The following STPG1 variants were observed in gnomAD, a reference collection of about 807,000 sequenced individuals.
STPG1 encodes the protein sperm tail PG-rich repeat containing 1.
STPG1 carries 33 observed loss-of-function variants against 40.1 expected under a neutral mutation model. The ratio of observed to expected loss-of-function variants is 0.82; its 90% CI spans 0.62 to 1.10. The LOEUF (loss-of-function observed/expected upper bound fraction) is 1.10. Ranked by LOEUF, STPG1 falls within the 50% of genes least tolerant of loss-of-function variation. The pLI, the probability that STPG1 is intolerant of heterozygous loss-of-function variation, is 0.00. For synonymous variants in STPG1, 150 were observed against 155.0 expected (o/e 0.97, Z 0.24); for missense variants, 396 against 415.1 (o/e 0.95, Z 0.40).
chr1:24,368,384 T>C (rs1201404762), intron 7 of STPG1, among the ~76,000 whole-genome samples: 1 of 152,138 alleles, frequency 6.6e-6, no homozygotes, highest in Non-Finnish European at 1.5e-5. Context: ...CTGCCTGATC[T>C]CTCTGGAGGG....
chr1:24,371,732 T>C (rs760302385), intron 6 of STPG1, among the ~76,000 whole-genome samples: 8 of 152,192 alleles, frequency 5.3e-5, no homozygotes, highest in Non-Finnish European at 8.8e-5. Context: ...ATAGCAACAC[T>C]TGAATTACAA....
In STPG1 at chr1:24,401,466, C is replaced by A. The variant is rs1345235581; in HGVS notation, c.-68-10G>T. On this transcript the variant is annotated splice_polypyrimidine_tract_variant and intron_variant, in intron 1 of 8. Transcript: ENST00000337248. ...ATGTTCTCCTAAGCACCTGAAACAG[C>A]AAAACACAGCATTTGTAGAGATCAT... is the stretch of plus-strand genomic sequence containing the variant. The A allele has an allele frequency of 1.7e-6, 2 of 1,158,792 alleles. No individual in the cohort carries two copies. The highest frequency in any genetic ancestry group is 1.5e-5 in the African/African-American group (1 of 65,516). 71.8% of individuals were successfully genotyped at this position (1,158,792 alleles called of 1,614,324 possible).
intron 3 of STPG1, among the ~76,000 whole-genome samples, chr1:24,388,149 C>A (rs908641099): frequency 6.6e-6 from 1 of 152,082 alleles, no homozygotes; most frequent in African/African-American, 2.4e-5. Flanking sequence ...TCATTCCTGG[C>A]AAGGGCTTAC....
intron 1 of STPG1, 106 bp from the exon 2 acceptor site, chr1:24,401,562 C>A: frequency 4.1e-5 from 26 of 628,574 alleles, no homozygotes; most frequent in East Asian, 4.1e-4. Context: ...GGTGTGGGTG[C>A]CGGCTGAGAT....
chr1:24,374,261 T>G lies in STPG1; in HGVS notation c.463-451A>C, dbSNP rs1276458677. Among the ~76,000 whole-genome samples the G allele has an allele frequency of 9.7e-5, 13 of 134,540 alleles. 1 individual carries two copies. The highest frequency in any genetic ancestry group is 2.7e-4 in the South Asian group (1 of 3,746). The allele number at this position is 134,540 out of a possible 152,430, so 88.3% of individuals were successfully genotyped here. A position where few individuals can be genotyped will look rare whatever the true frequency, so the allele number is the denominator to read the frequency against. ...AGGAAAGTGTTTTTTTTTTTTGTTT[T>G]TTTTTTTTTTTTTCTGAGACAGAGT... On this transcript the variant is annotated intron_variant, in intron 5 of 8. Coordinates refer to ENST00000337248, the MANE Select transcript of STPG1 (RefSeq NM_001199013.2).
At chr1:24,394,709 G>A (rs938418740) in intron 2 of STPG1, among the ~76,000 whole-genome samples, 3 of 151,864 alleles carry the variant, frequency 2.0e-5, no homozygotes, top group African/African-American at 4.8e-5. Context: ...TAGATGAGAT[G>A]AATAGCAAAT....
At chr1:24,364,582 C>A in intron 7 of STPG1, 2 of 818,006 alleles carry the variant, frequency 2.4e-6, no homozygotes, top group Non-Finnish European at 3.3e-6. Context: ...GGAACATTTG[C>A]TGAAGTGCAG....
At chr1:24,372,905 T>C (rs533209696) in intron 6 of STPG1, among the ~76,000 whole-genome samples, 1 of 152,184 alleles carries the variant, frequency 6.6e-6, no homozygotes, top group Admixed American at 6.5e-5. Flanking sequence ...ATATAATAAG[T>C]GCTCCAGCAC....
At chr1:24,367,917 G>T (rs955507168) in intron 7 of STPG1, among the ~76,000 whole-genome samples, 1 of 152,186 alleles carries the variant, frequency 6.6e-6, no homozygotes, top group African/African-American at 2.4e-5. Context: ...GCTCAGAGAG[G>T]AGAAGTCTCT....
At chr1:24,375,016 C>A (rs550876073) in intron 5 of STPG1, among the ~76,000 whole-genome samples, 16 of 152,274 alleles carry the variant, frequency 1.1e-4, no homozygotes, top group Non-Finnish European at 2.2e-4. Context: ...AACAGCCCTT[C>A]TATAAATGCA....
chr1:24,411,158 C>G (rs1254464276), intron 1 of STPG1, among the ~76,000 whole-genome samples: 1 of 152,134 alleles, frequency 6.6e-6, no homozygotes, highest in African/African-American at 2.4e-5. Context: ...ATTTATTGAG[C>G]CTGCACAGTC....
At chr1:24,376,596 G>T (rs1395520711) in intron 5 of STPG1, among the ~76,000 whole-genome samples, 1 of 152,194 alleles carries the variant, frequency 6.6e-6, no homozygotes, top group Admixed American at 6.5e-5. Flanking sequence ...ACATTGATTG[G>T]ATGCTTACTG....
rs1642916857 is a variant in STPG1 at position 24,394,689 on chromosome 1, A to G, written c.71-3010T>C. On this transcript the variant is annotated intron_variant, in intron 2 of 8. Transcript: ENST00000337248. ...ATGTGAAAACTAAATGTCTGAGATT[A>G]AAAATACACTAGATGAGATGAATAG... 3.3e-5 allele frequency among the ~76,000 whole-genome samples: 5 copies of G among 152,338 alleles called. No individual in the cohort carries two copies. In the South Asian group the frequency reaches 1.0e-3, roughly 32 times the overall value.
chr1:24,379,226 G>A (rs913327068), intron 5 of STPG1: 2 of 175,814 alleles, frequency 1.1e-5, no homozygotes, highest in African/African-American at 4.8e-5. Flanking sequence ...GATCATAATT[G>A]GCACAGCAGG....
intron 1 of STPG1, among the ~76,000 whole-genome samples, chr1:24,412,694 C>T (rs1289481551): frequency 6.6e-6 from 1 of 152,072 alleles, no homozygotes; most frequent in East Asian, 1.9e-4. Flanking sequence ...CCTGTCTCTA[C>T]AAAAATAATA....
intron 1 of STPG1, chr1:24,411,548 C>T (rs1336045004): frequency 6.6e-6 from 1 of 152,172 alleles, no homozygotes; most frequent in Non-Finnish European, 1.5e-5. Flanking sequence ...CTCAAGTGAT[C>T]CTCCCACCTC....
In STPG1 at chr1:24,369,851, G is replaced by T. The variant is rs1569998955; in HGVS notation, c.572-12C>A. On this transcript the variant is annotated splice_polypyrimidine_tract_variant and intron_variant, in intron 6 of 8. Transcript: ENST00000337248. ...GATATCATAATGCCCTAAGGAGAAA[G>T]AAATTTTAGGACAGAATAAGGAACT... The T allele has an allele frequency of 1.9e-6, 3 of 1,575,148 alleles. No homozygotes were observed. Among genetic ancestry groups the T allele is most frequent in the South Asian group, 2.3e-5 (2 of 86,426 alleles).
At chr1:24,389,880 G>A (rs1642687581) in intron 3 of STPG1, among the ~76,000 whole-genome samples, 1 of 152,238 alleles carries the variant, frequency 6.6e-6, no homozygotes, top group Non-Finnish European at 1.5e-5. Flanking sequence ...AACTGTGTGT[G>A]TGTGTTTGTG....
chr1:24,370,905 G>A (rs1641709069), intron 6 of STPG1, among the ~76,000 whole-genome samples: 1 of 151,978 alleles, frequency 6.6e-6, no homozygotes, highest in African/African-American at 2.4e-5. Context: ...ACAGGTGTGA[G>A]CCATCATGCC....
Sources: allele counts gnomAD v4.1 joint callset (sites outside exome capture counted in the v4.1 genomes callset), GRCh38; gene constraint gnomAD v4.1.1; transcripts MANE v1.5; gene names NCBI Gene and HGNC (gene_info 2026-07-23, HGNC 2026-07-21).